The following TMEM132D variants were observed in gnomAD, a reference collection of about 807,000 sequenced individuals.
TMEM132D encodes mature OL transmembrane protein.
In TMEM132D, 21 loss-of-function variants were observed where a neutral mutation model predicts 62.3. The observed-to-expected ratio is 0.34, with a 90% CI of 0.24 to 0.49. TMEM132D has a LOEUF of 0.49. Among genes scored for constraint, TMEM132D ranks in the 20% least tolerant of loss-of-function variants. The pLI is 0.99. For synonymous variants in TMEM132D, 621 were observed against 575.6 expected, an observed-to-expected ratio of 1.08 and a Z score of -1.13; for missense variants, 1,346 against 1,402.8, an observed-to-expected ratio of 0.96 and a Z score of 0.65.
At chr12:129,897,841 A>G (rs985668807) in intron 1 of TMEM132D, among the ~76,000 whole-genome samples, 1 of 152,182 alleles carries the variant, frequency 6.6e-6, no homozygotes, top group Admixed American at 6.5e-5. Context: ...CTCTGCACTC[A>G]GCCCCTGGCA....
intron 3 of TMEM132D, among the ~76,000 whole-genome samples, chr12:129,469,692 T>G (rs1874037231): frequency 6.6e-6 from 1 of 152,200 alleles, no homozygotes; most frequent in Non-Finnish European, 1.5e-5. Context: ...GCACTCCCTC[T>G]TTTATAAGGG....
At position 129,356,323 on chromosome 12, in the gene TMEM132D, AT is replaced by A. The variant is rs1180906878; in HGVS notation, c.1116-18507del. Among the ~76,000 whole-genome samples the A allele has an allele frequency of 3.1e-4, 21 of 66,780 alleles. 8 individuals carry two copies. The highest frequency in any genetic ancestry group is 1.1e-3 in the African/African-American group (16 of 14,430). 43.8% of individuals were successfully genotyped at this position (66,780 alleles called of 152,430 possible). A position where few individuals can be genotyped will look rare whatever the true frequency, so the allele number is the denominator to read the frequency against. On this transcript the variant is annotated intron_variant, in intron 3 of 8. Transcript: ENST00000422113. ...AGGCGCCCGCCACTACGCCCGGCTA[AT>A]TTTTTTGTATTTTTAGTAGAGACGG...
At chr12:129,189,992 G>T (rs532259447) in intron 5 of TMEM132D, among the ~76,000 whole-genome samples, 2 of 152,164 alleles carry the variant, frequency 1.3e-5, no homozygotes, top group Non-Finnish European at 2.9e-5. Context: ...GAATCAGAGG[G>T]AGGTGAGACT....
At chr12:129,092,836 A>G (rs1490068940) in intron 5 of TMEM132D, among the ~76,000 whole-genome samples, 2 of 152,152 alleles carry the variant, frequency 1.3e-5, no homozygotes, top group Non-Finnish European at 2.9e-5. Context: ...TTAGATTGGT[A>G]CCCTTACCCC....
rs760042378 is a variant in TMEM132D, at chr12:129,779,225, C to T, written c.80-78527G>A. Reference sequence around the variant, plus strand: ...TGATGCTTTAACATGCAGAGTAGAACGGCTACACCCAGCTACAAGCAGTAC... The same window carrying T: ...TGATGCTTTAACATGCAGAGTAGAATGGCTACACCCAGCTACAAGCAGTAC... On this transcript the variant is annotated intron_variant, in intron 1 of 8. Transcript: ENST00000422113. This position sits in a 1 kb window ranked among gnomAD's most constrained non-coding sequence, Gnocchi z 4.1. 1.3e-4 allele frequency among the ~76,000 whole-genome samples: 20 copies of T among 152,312 alleles called. No individual in the cohort carries two copies. The East Asian group carries it at 2.5e-3, about 19-fold the overall frequency.
At chr12:129,337,441 GCACACACACA>G (rs34583805) in intron 4 of TMEM132D, among the ~76,000 whole-genome samples, 183 bp downstream of exon 4, 3,923 of 148,220 alleles carry the variant, frequency 0.026, 180 homozygotes, top group African/African-American at 0.092. Context: ...ATACACACAC[GCACACACACA>G]CACACACACA....
intron 3 of TMEM132D, among the ~76,000 whole-genome samples, chr12:129,441,115 C>T (rs1872924121): frequency 6.6e-6 from 1 of 152,140 alleles, no homozygotes; most frequent in Non-Finnish European, 1.5e-5. Flanking sequence ...TTAGAAGATG[C>T]TGGATGTTCA....
At chr12:129,610,667 A>C (rs1366392879) in intron 2 of TMEM132D, among the ~76,000 whole-genome samples, 5 of 152,160 alleles carry the variant, frequency 3.3e-5, no homozygotes, top group African/African-American at 4.8e-5. Context: ...GCATCACTTA[A>C]ATCGTCAGAT....
intron 3 of TMEM132D, among the ~76,000 whole-genome samples, chr12:129,442,238 T>C (rs957522482): frequency 6.6e-6 from 1 of 152,218 alleles, no homozygotes; most frequent in Non-Finnish European, 1.5e-5. Flanking sequence ...AGAGTTTGCA[T>C]TGACACATTC....
At chr12:129,406,139 T>G (rs568985631) in intron 3 of TMEM132D, among the ~76,000 whole-genome samples, 1 of 152,322 alleles carries the variant, frequency 6.6e-6, no homozygotes, top group East Asian at 1.9e-4. Context: ...TTAGAACAAC[T>G]CAACTTCAGC....
intron 3 of TMEM132D, among the ~76,000 whole-genome samples, chr12:129,477,848 A>G (rs1216304743): frequency 6.6e-6 from 1 of 152,044 alleles, no homozygotes; most frequent in Non-Finnish European, 1.5e-5. Context: ...AAATAGACAC[A>G]TACACACACA....
At chr12:129,605,169 T>C (rs1214058491) in intron 2 of TMEM132D, among the ~76,000 whole-genome samples, 1 of 152,152 alleles carries the variant, frequency 6.6e-6, no homozygotes, top group Non-Finnish European at 1.5e-5. Flanking sequence ...ATGTATTTTG[T>C]AGTTTGTGTT....
intron 1 of TMEM132D, among the ~76,000 whole-genome samples, chr12:129,899,308 G>C (rs200689617): frequency 3.4e-4 from 23 of 68,356 alleles, no homozygotes; most frequent in South Asian, 6.3e-4. Context: ...TGCATGCATG[G>C]ATGGATGGAT....
intron 1 of TMEM132D, among the ~76,000 whole-genome samples, chr12:129,884,159 A>C (rs187234392): frequency 6.6e-6 from 1 of 152,276 alleles, no homozygotes; most frequent in African/African-American, 2.4e-5. Context: ...ACAACTATTA[A>C]ACTTATGGAA....
chr12:129,266,279 G>A (rs76504373), intron 4 of TMEM132D, among the ~76,000 whole-genome samples: 2,619 of 152,102 alleles, frequency 0.017, 76 homozygotes, highest in African/African-American at 0.06. Flanking sequence ...TCCTTGGCTC[G>A]CTCCTCCTCC....
intron 3 of TMEM132D, among the ~76,000 whole-genome samples, chr12:129,442,460 A>G (rs1297825418): frequency 6.6e-6 from 1 of 152,192 alleles, no homozygotes; most frequent in African/African-American, 2.4e-5. Flanking sequence ...AAGTCACTCA[A>G]GAGTCCCGAC....
At chr12:129,500,461 G>T (rs980717638) in intron 3 of TMEM132D, among the ~76,000 whole-genome samples, 11 of 151,970 alleles carry the variant, frequency 7.2e-5, no homozygotes, top group Non-Finnish European at 1.6e-4. Context: ...TTAGTAAGCT[G>T]CCTAGATTGC....
intron 3 of TMEM132D, among the ~76,000 whole-genome samples, chr12:129,343,752 CAAAAAAAACA>C (rs1455412042): frequency 4.4e-5 from 4 of 89,972 alleles, no homozygotes; most frequent in East Asian, 2.8e-4. Flanking sequence ...TCTCTTAAAA[CAAAAAAAACA>C]AAAAAAAACA....
chr12:129,782,507 A>T (rs1167463306), intron 1 of TMEM132D, among the ~76,000 whole-genome samples: 1 of 152,214 alleles, frequency 6.6e-6, no homozygotes, highest in Non-Finnish European at 1.5e-5. Flanking sequence ...CATGAGAATT[A>T]AGTAGCACAA....
Sources: gnomAD v4.1 joint callset for allele counts (sites outside exome capture counted in the v4.1 genomes callset) on GRCh38, gnomAD v4.1.1 for gene constraint, Gnocchi (gnomAD v3.1) non-coding constraint, MANE v1.5 for transcripts, NCBI Gene and HGNC (gene_info 2026-07-23, HGNC 2026-07-21) for gene names.